The following EXOC6B variants were observed in gnomAD, a reference collection of about 807,000 sequenced individuals.
EXOC6B encodes exocyst complex component 6B.
EXOC6B carries 54 observed loss-of-function variants against 113.5 expected under a neutral mutation model. The observed-to-expected ratio is 0.48, with a 90% CI of 0.38 to 0.60. The LOEUF is 0.60. EXOC6B is among the 20% of genes least tolerant of loss of function. The pLI is 0.00. For synonymous variants in EXOC6B, 357 were observed against 339.0 expected, an observed-to-expected ratio of 1.05 and a Z score of -0.58; for missense variants, 797 against 977.5, an observed-to-expected ratio of 0.82 and a Z score of 2.46.
At chr2:72,627,980 C>T (rs1185943551) in intron 6 of EXOC6B, among the ~76,000 whole-genome samples, 1 of 151,978 alleles carries the variant, frequency 6.6e-6, no homozygotes, top group Non-Finnish European at 1.5e-5. Flanking sequence ...GATTTAGAAG[C>T]CATTTGAAGT....
At chr2:72,457,851 G>GA (rs1203708073) in intron 18 of EXOC6B, among the ~76,000 whole-genome samples, 1 of 152,020 alleles carries the variant, frequency 6.6e-6, no homozygotes, top group Non-Finnish European at 1.5e-5. Context: ...AACTTCAAGG[G>GA]AAAAAACAGT....
chr2:72,335,597 C>T (rs1447911961), intron 19 of EXOC6B, among the ~76,000 whole-genome samples: 3 of 140,050 alleles, frequency 2.1e-5, no homozygotes, highest in Non-Finnish European at 4.7e-5. Context: ...CACACACACG[C>T]ATCCCAGAAG....
chr2:72,441,185 A>G (rs1696178010), intron 18 of EXOC6B, among the ~76,000 whole-genome samples: 2 of 152,100 alleles, frequency 1.3e-5, no homozygotes, highest in Admixed American at 1.3e-4. Flanking sequence ...TTTCTATTCA[A>G]TAAGAAGAAC....
At chr2:72,205,771 G>C (rs1679804820) in intron 20 of EXOC6B, among the ~76,000 whole-genome samples, 1 of 152,220 alleles carries the variant, frequency 6.6e-6, no homozygotes, top group South Asian at 2.1e-4. Flanking sequence ...CTGCTTTTAA[G>C]AATCAGCCAG....
intron 20 of EXOC6B, among the ~76,000 whole-genome samples, chr2:72,187,001 G>T (rs1359869510): frequency 6.6e-6 from 1 of 152,176 alleles, no homozygotes; most frequent in Non-Finnish European, 1.5e-5. Flanking sequence ...GGAGTCAGGT[G>T]TGGAGCAGCA....
chr2:72,528,256 G>T (rs375818950), intron 8 of EXOC6B, among the ~76,000 whole-genome samples: 7 of 152,166 alleles, frequency 4.6e-5, no homozygotes, highest in African/African-American at 1.7e-4. Flanking sequence ...TGGGAGGTTA[G>T]CTCAAAGTTC....
At chr2:72,248,050 G>A (rs1682777694) in intron 20 of EXOC6B, among the ~76,000 whole-genome samples, 1 of 152,140 alleles carries the variant, frequency 6.6e-6, no homozygotes, top group Non-Finnish European at 1.5e-5. Context: ...TCAAGGTTAT[G>A]CTCTGGGATA....
At chr2:72,532,289 A>C (rs1702047775) in intron 8 of EXOC6B, among the ~76,000 whole-genome samples, 1 of 152,228 alleles carries the variant, frequency 6.6e-6, no homozygotes, top group Admixed American at 6.5e-5. Context: ...AATGCAAGTG[A>C]AATTAACAAT....
At chr2:72,728,413 A>G (rs529369142) in intron 5 of EXOC6B, among the ~76,000 whole-genome samples, 1 of 152,344 alleles carries the variant, frequency 6.6e-6, no homozygotes, top group East Asian at 1.9e-4. Flanking sequence ...AGGAGACAAG[A>G]ACAAGGATAT....
At chr2:72,526,765 T>C (rs1211194541) in intron 8 of EXOC6B, among the ~76,000 whole-genome samples, 1 of 151,956 alleles carries the variant, frequency 6.6e-6, no homozygotes, top group East Asian at 1.9e-4. Flanking sequence ...TGGTAAATAA[T>C]GTAAGAATAC....
At chr2:72,678,623 T>C (rs1676476845) in intron 6 of EXOC6B, among the ~76,000 whole-genome samples, 1 of 152,150 alleles carries the variant, frequency 6.6e-6, no homozygotes, top group African/African-American at 2.4e-5. Flanking sequence ...CAAGAATTGC[T>C]TGAGCCCAGG....
chr2:72,367,733 G>A (rs1313418420), intron 19 of EXOC6B, among the ~76,000 whole-genome samples: 2 of 152,168 alleles, frequency 1.3e-5, no homozygotes, highest in Non-Finnish European at 2.9e-5. Context: ...ACTTGGGAGA[G>A]GGAGAGTGCA....
At chr2:72,788,684 G>A (rs1480740844) in intron 1 of EXOC6B, among the ~76,000 whole-genome samples, 3 of 152,150 alleles carry the variant, frequency 2.0e-5, no homozygotes, top group Non-Finnish European at 2.9e-5. Flanking sequence ...TGTAGTCCCA[G>A]CTACTCCAGA....
intron 5 of EXOC6B, among the ~76,000 whole-genome samples, chr2:72,718,904 A>C (rs932033123): frequency 2.6e-5 from 4 of 152,202 alleles, no homozygotes; most frequent in Admixed American, 2.6e-4. Context: ...AAAAAAATTC[A>C]TCCTATAAAA....
chr2:72,363,214 C>A (rs769735668), intron 19 of EXOC6B, among the ~76,000 whole-genome samples: 36 of 152,042 alleles, frequency 2.4e-4, no homozygotes, highest in Admixed American at 6.6e-4. Context: ...GTGATGATTT[C>A]ATCACACCTA....
At chr2:72,545,605 G>A (rs943665879) in intron 8 of EXOC6B, among the ~76,000 whole-genome samples, 1 of 152,154 alleles carries the variant, frequency 6.6e-6, no homozygotes, top group Non-Finnish European at 1.5e-5. Flanking sequence ...ATAACGAGGT[G>A]TTTTCCCCAT....
chr2:72,402,832 A>G (rs565055967), intron 18 of EXOC6B, among the ~76,000 whole-genome samples: 15 of 151,912 alleles, frequency 9.9e-5, no homozygotes, highest in African/African-American at 3.6e-4. Flanking sequence ...TTTTAGTGAT[A>G]TTTTCCATTA....
intron 6 of EXOC6B, among the ~76,000 whole-genome samples, chr2:72,577,352 A>T (rs1362273482): frequency 3.9e-5 from 6 of 152,066 alleles, no homozygotes; most frequent in African/African-American, 1.4e-4. Flanking sequence ...CAAAATATAC[A>T]AAAAGGGATC....
At position 72,818,413 on chromosome 2, in the gene EXOC6B, G is replaced by A. The variant is rs189548253; in HGVS notation, c.113+7385C>T. ...CCTGACCTCGTGATCCGCCCGCCTCGGCCTCCCAAAGTTCTGGAATTACAG... is the reference window on the plus strand; with the variant it reads ...CCTGACCTCGTGATCCGCCCGCCTCAGCCTCCCAAAGTTCTGGAATTACAG... On this transcript the variant is annotated intron_variant, in intron 1 of 21. Transcript: ENST00000272427. Among the ~76,000 whole-genome samples, 32 of 149,364 alleles carry A rather than the reference G, an allele frequency of 2.1e-4. No homozygotes were observed. In the East Asian group the frequency reaches 5.8e-3, roughly 27 times the overall value.
Sources: gnomAD v4.1 joint callset for allele counts (sites outside exome capture counted in the v4.1 genomes callset) on GRCh38, gnomAD v4.1.1 for gene constraint, MANE v1.5 for transcripts, NCBI Gene and HGNC (gene_info 2026-07-23, HGNC 2026-07-21) for gene names.